Variants in DGLUCY observed in about 807,000 individuals in gnomAD.
The protein encoded by DGLUCY is D-glutamate cyclase.
A neutral mutation model predicts 58.5 loss-of-function variants in DGLUCY; 58 were observed. That is an observed-to-expected ratio of 0.99 (90% CI 0.80 to 1.23). The LOEUF (loss-of-function observed/expected upper bound fraction) is 1.23. Among genes scored for constraint, DGLUCY ranks in the 50% most tolerant of loss-of-function variants. DGLUCY has a pLI of 0.00. For missense variants in DGLUCY, 779 were observed against 784.7 expected (o/e 0.99, Z 0.09); for synonymous variants, 325 against 314.1 (o/e 1.03, Z -0.37).
chr14:91,174,716 A>T (rs2140421162), intron 6 of DGLUCY, among the ~76,000 whole-genome samples: 1 of 152,320 alleles, frequency 6.6e-6, no homozygotes, highest in Non-Finnish European at 1.5e-5. Flanking sequence ...AATCAAACCC[A>T]AAGAGGGTTA....
At chr14:91,195,472 G>A (rs72699625) in intron 9 of DGLUCY, among the ~76,000 whole-genome samples, 5,880 of 152,140 alleles carry the variant, frequency 0.039, 176 homozygotes, top group Non-Finnish European at 0.054. Context: ...CCAAGGCACA[G>A]ACTCTGGGAA....
intron 1 of DGLUCY, chr14:91,090,959 C>T (rs964025740): frequency 1.3e-5 from 2 of 152,248 alleles, no homozygotes; most frequent in African/African-American, 4.8e-5. Flanking sequence ...CCTTTGCCCT[C>T]TGCAAGAGAG....
Position 91,097,744 on chromosome 14 carries a change from G to A in DGLUCY, c.-82+37040G>A, listed in dbSNP as rs532220101. Among the ~76,000 whole-genome samples the A allele has an allele frequency of 2.6e-5, 4 of 151,484 alleles. No individual in the cohort carries two copies. In the East Asian group the frequency reaches 7.8e-4, roughly 30 times the overall value. On this transcript the variant is annotated intron_variant, in intron 1 of 4. Transcript: ENST00000521334. ...GCTGGAGTGCAATGGCGTGATCTTG[G>A]CTCACTGCAACCTCCATCTCCTGGG...
intron 1 of DGLUCY, among the ~76,000 whole-genome samples, chr14:91,074,600 A>G (rs2043988264): frequency 6.6e-6 from 1 of 152,160 alleles, no homozygotes; most frequent in Non-Finnish European, 1.5e-5. Context: ...TTTACCTTCT[A>G]TTCTTAACCA....
At chr14:91,150,931 A>ACTCT (rs1004280811) in intron 1 of DGLUCY, among the ~76,000 whole-genome samples, 3 of 151,706 alleles carry the variant, frequency 2.0e-5, no homozygotes, top group Non-Finnish European at 2.9e-5. Flanking sequence ...CCAAACTGAA[A>ACTCT]CTCTCTGCCC....
upstream of DGLUCY, among the ~76,000 whole-genome samples, chr14:91,113,722 C>T (rs1326054785): frequency 6.6e-6 from 1 of 152,200 alleles, no homozygotes; most frequent in Non-Finnish European, 1.5e-5. Flanking sequence ...TGGATCAAGC[C>T]TGCACTTTCA....
intron 9 of DGLUCY, 142 bp from the exon 10 acceptor site, chr14:91,196,233 C>T (rs2050198105): frequency 6.1e-6 from 4 of 658,178 alleles, no homozygotes; most frequent in Admixed American, 2.6e-5. Context: ...GTCATGGCCT[C>T]GGCTTACCTA....
intron 11 of DGLUCY, among the ~76,000 whole-genome samples, chr14:91,201,719 C>T (rs572174725): frequency 5.3e-5 from 8 of 152,144 alleles, no homozygotes; most frequent in East Asian, 1.9e-4. Flanking sequence ...GTTTCAATTA[C>T]AGGCATGAGC....
At chr14:91,063,265 T>C (rs1351887248) in intron 1 of DGLUCY, among the ~76,000 whole-genome samples, 1 of 151,732 alleles carries the variant, frequency 6.6e-6, no homozygotes, top group African/African-American at 2.4e-5. Flanking sequence ...TTTTTTTTTT[T>C]CTTACCTCCT....
chr14:91,171,227 A>G (rs2048559590), intron 5 of DGLUCY, among the ~76,000 whole-genome samples: 1 of 152,224 alleles, frequency 6.6e-6, no homozygotes, highest in Non-Finnish European at 1.5e-5. Context: ...TCCCAAAGCC[A>G]GATGGGAACC....
chr14:91,173,303 T>C lies in DGLUCY; in HGVS notation c.471T>C (p.Cys157=). 6.2e-7 allele frequency: 1 copy of C among 1,613,594 alleles called. No homozygotes were observed. The highest frequency in any genetic ancestry group is 8.5e-7 in the Non-Finnish European group (1 of 1,179,924). Residue 157 remains cysteine, a synonymous_variant, in exon 6 of 14, where the codon TGT becomes TGC. Coordinates refer to ENST00000256324, the MANE Select transcript of DGLUCY (RefSeq NM_001102368.3). The part of the protein sequence containing the change: ...QAGAYKTTVP[C]VTHAGFCCPL... ...TTTTTGGTCAGACAACAGTGCCTTG[T>C]GTTACCCATGCTGGCTTCTGCTGCC... is the stretch of plus-strand genomic sequence containing the variant.
At chr14:91,182,792 C>CATATACAATAT (rs2049264885) in intron 8 of DGLUCY, among the ~76,000 whole-genome samples, 1 of 152,144 alleles carries the variant, frequency 6.6e-6, no homozygotes, top group Non-Finnish European at 1.5e-5. Context: ...TATTGTATAA[C>CATATACAATAT]GCATCTCAGG....
chr14:91,080,854 C>T (rs2044111607), intron 1 of DGLUCY, among the ~76,000 whole-genome samples: 1 of 152,136 alleles, frequency 6.6e-6, no homozygotes, highest in Non-Finnish European at 1.5e-5. Context: ...ACATCCAGTC[C>T]TTTGAGAAAA....
chr14:91,215,261 A>T, intron 12 of DGLUCY, 144 bp from the exon 13 acceptor site: 1 of 1,371,296 alleles, frequency 7.3e-7, no homozygotes, highest in Non-Finnish European at 9.5e-7. Flanking sequence ...GGGCCAAAGA[A>T]TTTGTGTTTC....
In DGLUCY at chr14:91,225,072, G is replaced by A. The variant is rs929844419; in HGVS notation, c.*239G>A. 9 of 379,336 alleles carry A rather than the reference G, an allele frequency of 2.4e-5. No homozygotes were observed. The highest frequency in any genetic ancestry group is 2.2e-4 in the South Asian group (3 of 13,434). 23.5% of individuals were successfully genotyped at this position (379,336 alleles called of 1,614,324 possible). A position where few individuals can be genotyped will look rare whatever the true frequency, so the allele number is the denominator to read the frequency against. On this transcript the variant is annotated 3_prime_UTR_variant, in exon 14 of 14. Coordinates refer to ENST00000256324, the MANE Select transcript of DGLUCY (RefSeq NM_001102368.3). ...CTTTTATTCCTAAGACTCTAAAGGC[G>A]TTGATTTCAACCCTCCTTCACTCTG...
In DGLUCY at chr14:91,215,510, C is replaced by A. The variant is rs1216711410; in HGVS notation, c.1670C>A (p.Ala557Glu). ...AGGAAAGCAGTCGGACCCTCCAGGG[C>A]ACCTGGAGATCAGGCCTGGACTCAG... The part of the protein sequence containing the change: ...YLRKAVGPSR[A>E]PGDQAWTQAL... The change falls in exon 13 of 14, where the codon GCA becomes GAA. Residue 557 changes from alanine (A) to glutamate (E), a missense_variant. Coordinates refer to ENST00000256324, the MANE Select transcript of DGLUCY (RefSeq NM_001102368.3). The A allele has an allele frequency of 1.9e-6, 3 of 1,614,162 alleles. No individual in the cohort carries two copies. The East Asian group carries it at 6.7e-5, about 36-fold the overall frequency.
intron 5 of DGLUCY, among the ~76,000 whole-genome samples, chr14:91,171,973 A>T (rs924285266): frequency 6.6e-6 from 1 of 152,238 alleles, no homozygotes; most frequent in African/African-American, 2.4e-5. Flanking sequence ...TGGCCCTTGC[A>T]GTCCCTAGAG....
chr14:91,203,065 T>A (rs1456424329), intron 11 of DGLUCY, among the ~76,000 whole-genome samples: 1 of 152,236 alleles, frequency 6.6e-6, no homozygotes, highest in South Asian at 2.1e-4. Flanking sequence ...ACTGCCCAGG[T>A]ACTGCCCCCA....
intron 4 of DGLUCY, among the ~76,000 whole-genome samples, chr14:91,168,148 T>C (rs533917677): frequency 3.9e-4 from 59 of 152,096 alleles, no homozygotes; most frequent in African/African-American, 1.3e-3. Context: ...TGCACACCTG[T>C]GGTCCCAGCT....
Sources: gnomAD v4.1 joint callset for allele counts (sites outside exome capture counted in the v4.1 genomes callset) on GRCh38, gnomAD v4.1.1 for gene constraint, MANE v1.5 for transcripts, NCBI Gene and HGNC (gene_info 2026-07-23, HGNC 2026-07-21) for gene names.